Variants in GPR161 observed in about 807,000 individuals in gnomAD.
The protein encoded by GPR161 is G-protein coupled receptor RE2.
Under a neutral mutation model 39.2 loss-of-function variants are expected in GPR161, and 25 were observed. The ratio of observed to expected loss-of-function variants is 0.64; its 90% CI spans 0.47 to 0.89. The LOEUF is 0.89. GPR161 is among the 40% of genes least tolerant of loss of function. The pLI, the probability that GPR161 is intolerant of heterozygous loss-of-function variation, is 0.00. For synonymous variants in GPR161, 286 were observed against 276.6 expected (o/e 1.03, Z -0.34); for missense variants, 547 against 677.8 (o/e 0.81, Z 2.14).
Position 168,079,571 on chromosome 1 carries a change from TAAAC to T in GPR161, c.*5956_*5959del, listed in dbSNP as rs1035225136. 31 of 152,256 alleles carry T rather than the reference TAAAC, an allele frequency of 2.0e-4. No homozygotes were observed. Among genetic ancestry groups the T allele is most frequent in the African/African-American group, 6.7e-4 (28 of 41,544 alleles). The allele number at this position is 152,256 out of a possible 1,614,324, so 9.4% of individuals were successfully genotyped here. A position where few individuals can be genotyped will look rare whatever the true frequency, so the allele number is the denominator to read the frequency against. ...CATACCAAAAACATATTTAATCAGG[TAAAC>T]AAAAATTCCAAATACATTGTTGCTT... On this transcript the variant is annotated 3_prime_UTR_variant, in exon 6 of 6. Coordinates refer to ENST00000682931, the MANE Select transcript of GPR161 (RefSeq NM_001375883.1).
intron 1 of GPR161, among the ~76,000 whole-genome samples, chr1:168,117,041 C>A (rs1697692645): frequency 6.6e-6 from 1 of 152,188 alleles, no homozygotes; most frequent in African/African-American, 2.4e-5. Context: ...TTGCCCTTCA[C>A]AACATCCTTC....
At chr1:168,129,775 A>G (rs79089702) in intron 1 of GPR161, among the ~76,000 whole-genome samples, 1,822 of 152,300 alleles carry the variant, frequency 0.012, 39 homozygotes, top group African/African-American at 0.041. Context: ...ACAAAGCACA[A>G]ATTTCCTGAC....
Position 168,080,046 on chromosome 1 carries a change from G to A in GPR161, c.*5485C>T, listed in dbSNP as rs917799071. 6.6e-6 allele frequency: 1 copy of A among 152,106 alleles called. No homozygotes were observed. The highest frequency in any genetic ancestry group is 2.4e-5 in the African/African-American group (1 of 41,408). The allele number at this position is 152,106 out of a possible 1,614,324, so 9.4% of individuals were successfully genotyped here. On this transcript the variant is annotated 3_prime_UTR_variant, in exon 6 of 6. Transcript: ENST00000682931. ...ACCAAAATTGTGCTTTTGTAATCTT[G>A]TGCAGATTTGAGTTTGTGCTTTGAT...
chr1:168,087,346 T>C (rs1368509317), intron 5 of GPR161, among the ~76,000 whole-genome samples: 1 of 152,072 alleles, frequency 6.6e-6, no homozygotes. Context: ...TGTGTGTGTG[T>C]GTGTGTGTGT....
At chr1:168,118,198 G>A (rs1218688966) in intron 1 of GPR161, among the ~76,000 whole-genome samples, 1 of 152,110 alleles carries the variant, frequency 6.6e-6, no homozygotes, top group Non-Finnish European at 1.5e-5. Context: ...GTAAAAAGAC[G>A]ACAACCCACA....
chr1:168,112,446 C>A (rs1455655655), intron 1 of GPR161, among the ~76,000 whole-genome samples: 8 of 135,224 alleles, frequency 5.9e-5, no homozygotes, highest in African/African-American at 1.7e-4. Flanking sequence ...CGCCACTACA[C>A]TCCAGCCTGG....
chr1:168,134,064 T>C (rs1345493102), intron 1 of GPR161: 2 of 155,980 alleles, frequency 1.3e-5, no homozygotes, highest in Non-Finnish European at 2.8e-5. Context: ...AATTACTATA[T>C]TCCATGAATG....
intron 1 of GPR161, among the ~76,000 whole-genome samples, chr1:168,123,839 A>C (rs1011285195): frequency 3.3e-5 from 5 of 152,198 alleles, no homozygotes; most frequent in African/African-American, 1.2e-4. Flanking sequence ...GAACTGCCCA[A>C]GGCTGTTCCA....
At chr1:168,121,521 G>C (rs1424707156) in intron 1 of GPR161, among the ~76,000 whole-genome samples, 1 of 152,110 alleles carries the variant, frequency 6.6e-6, no homozygotes, top group Non-Finnish European at 1.5e-5. Flanking sequence ...ACAGACAGTG[G>C]AGGTCCACGT....
intron 1 of GPR161, among the ~76,000 whole-genome samples, chr1:168,115,521 G>A (rs1011571625): frequency 3.3e-5 from 5 of 152,056 alleles, no homozygotes; most frequent in Admixed American, 2.0e-4. Context: ...CCCCCAGAGT[G>A]TGCCCCTTTA....
In GPR161 at chr1:168,117,507, C is replaced by G. The variant is rs544376722; in HGVS notation, c.-44-12613G>C. Among the ~76,000 whole-genome samples, 3 of 152,236 alleles carry G rather than the reference C, an allele frequency of 2.0e-5. No individual in the cohort carries two copies. The South Asian group carries it at 6.2e-4, about 32-fold the overall frequency. On this transcript the variant is annotated intron_variant, in intron 1 of 5. Coordinates refer to ENST00000682931, the MANE Select transcript of GPR161 (RefSeq NM_001375883.1). ...GCCTTGACATGTTACTTAACCCCCC[C>G]CTGCATCAGTCTCCCCATCTGTAAA...
chr1:168,108,076 G>A (rs182145760), intron 1 of GPR161, among the ~76,000 whole-genome samples: 142 of 152,194 alleles, frequency 9.3e-4, no homozygotes, highest in Non-Finnish European at 1.9e-3. Flanking sequence ...TCTGTCTCTG[G>A]TGAGGGCTTC....
At chr1:168,133,678 C>T (rs1699162017) in intron 1 of GPR161, among the ~76,000 whole-genome samples, 1 of 152,174 alleles carries the variant, frequency 6.6e-6, no homozygotes, top group Non-Finnish European at 1.5e-5. Context: ...CCATGCTGGA[C>T]TTGAACTCTT....
At chr1:168,087,865 C>T (rs561460349) in intron 4 of GPR161, 161 bp from the exon 5 acceptor site, 1 of 635,592 alleles carries the variant, frequency 1.6e-6, no homozygotes, top group Non-Finnish European at 2.6e-6. Flanking sequence ...AAACACCCGC[C>T]TGTCATCCTG....
chr1:168,123,051 G>C (rs1698307135), intron 1 of GPR161, among the ~76,000 whole-genome samples: 1 of 152,212 alleles, frequency 6.6e-6, no homozygotes, highest in Non-Finnish European at 1.5e-5. Context: ...TTACTCTGCA[G>C]AAGAGTAGCA....
intron 1 of GPR161, among the ~76,000 whole-genome samples, chr1:168,106,239 G>A (rs868663030): frequency 1.3e-5 from 2 of 152,132 alleles, no homozygotes; most frequent in South Asian, 4.1e-4. Context: ...GTCCAAAGGG[G>A]CAATTATCTC....
intron 1 of GPR161, among the ~76,000 whole-genome samples, chr1:168,117,734 TG>T (rs1278424951): frequency 6.6e-6 from 1 of 152,176 alleles, no homozygotes. Flanking sequence ...GTGAGTCTAT[TG>T]TTTATCTTCA....
At chr1:168,116,785 C>A (rs1697672395) in intron 1 of GPR161, among the ~76,000 whole-genome samples, 1 of 152,230 alleles carries the variant, frequency 6.6e-6, no homozygotes. Context: ...TGTTGCAATG[C>A]ACAGTGCTTT....
chr1:168,110,538 GAAAGA>G (rs56209524), intron 1 of GPR161, among the ~76,000 whole-genome samples: 12,357 of 79,282 alleles, frequency 0.16, 1,195 homozygotes, highest in East Asian at 0.28. Flanking sequence ...GAAAGGAAAG[GAAAGA>G]AAAGAAAAGA....
Sources: gnomAD v4.1 joint callset for allele counts (sites outside exome capture counted in the v4.1 genomes callset) on GRCh38, gnomAD v4.1.1 for gene constraint, MANE v1.5 for transcripts, NCBI Gene and HGNC (gene_info 2026-07-23, HGNC 2026-07-21) for gene names.